The following PCDHGA11 variants were observed in gnomAD, a reference collection of about 807,000 sequenced individuals.
PCDHGA11 encodes the protein protocadherin gamma subfamily A, 11, also known as protocadherin gamma-A11.
A neutral mutation model predicts 60.4 loss-of-function variants in PCDHGA11; 39 were observed. That is an observed-to-expected ratio of 0.65 (90% CI 0.50 to 0.84). The LOEUF is 0.84. Among genes scored for constraint, PCDHGA11 ranks in the 40% least tolerant of loss-of-function variants. The probability of loss-of-function intolerance (pLI) is 0.00; values close to 1 mark genes in which losing one functional copy is unlikely to be tolerated. For missense variants in PCDHGA11, 1,165 were observed against 1,197.7 expected, an observed-to-expected ratio of 0.97 and a Z score of 0.40; for synonymous variants, 533 against 510.3, an observed-to-expected ratio of 1.04 and a Z score of -0.60.
intron 3 of PCDHGA11, among the ~76,000 whole-genome samples, chr5:141,505,981 A>G (rs1285802357): frequency 6.6e-6 from 1 of 151,898 alleles, no homozygotes; most frequent in Non-Finnish European, 1.5e-5. Context: ...CCGAGAGAAC[A>G]CCTCCTCTTT....
chr5:141,475,550 TA>T (rs2099365126), intron 1 of PCDHGA11, among the ~76,000 whole-genome samples: 2 of 152,246 alleles, frequency 1.3e-5, no homozygotes, highest in Non-Finnish European at 2.9e-5. Context: ...AGGGTCCGGC[TA>T]ATTGTCTGTC....
intron 1 of PCDHGA11, among the ~76,000 whole-genome samples, chr5:141,473,873 C>CA (rs1471085914): frequency 2.6e-5 from 4 of 152,130 alleles, no homozygotes; most frequent in African/African-American, 7.2e-5. Flanking sequence ...GTGGAGAATG[C>CA]ATACACAAGG....
At position 141,489,494 on chromosome 5, in the gene PCDHGA11, C is replaced by A. The variant is rs1191408769; in HGVS notation, c.2434-5313C>A. ...CTGAGCTTGATGAGTGGTGCCCTGGCAGTGAATCAAAAGATTGACCGAGAA... is the reference window on the plus strand; with the variant it reads ...CTGAGCTTGATGAGTGGTGCCCTGGAAGTGAATCAAAAGATTGACCGAGAA... On this transcript the variant is annotated intron_variant, in intron 1 of 3. Coordinates refer to ENST00000398587, the MANE Select transcript of PCDHGA11 (RefSeq NM_018914.3). This position sits in a 1 kb window ranked among gnomAD's most constrained non-coding sequence, Gnocchi z 4.5. 1.1e-5 allele frequency: 18 copies of A among 1,613,932 alleles called. No individual in the cohort carries two copies. The highest frequency in any genetic ancestry group is 1.7e-5 in the Admixed American group (1 of 59,998).
rs911465424 is a variant in PCDHGA11 at position 141,449,724 on chromosome 5, AT to A, written c.2433+26071del. ...AAACACATTATTTTTATATGATATG[AT>A]TTTTTTATGACATGATTATTTTTAT... On this transcript the variant is annotated intron_variant, in intron 1 of 3. Coordinates refer to ENST00000398587, the MANE Select transcript of PCDHGA11 (RefSeq NM_018914.3). 1.2e-4 allele frequency among the ~76,000 whole-genome samples: 18 copies of A among 151,282 alleles called. No homozygotes were observed. The South Asian group carries it at 1.9e-3, about 16-fold the overall frequency.
rs542039688 is a variant in PCDHGA11 at position 141,421,119 on chromosome 5, C to A, written c.-109C>A. The A allele has an allele frequency of 2.6e-6, 2 of 772,768 alleles. No individual in the cohort carries two copies. The highest frequency in any genetic ancestry group is 1.9e-5 in the South Asian group (1 of 53,026). The allele number at this position is 772,768 out of a possible 1,614,324, so 47.9% of individuals were successfully genotyped here. ...CTGGAGACTTAGAAGTATTTTCCTT[C>A]GCTTTCTGATATATTTTGGATGTAG... On this transcript the variant is annotated 5_prime_UTR_variant, in exon 1 of 4. Transcript: ENST00000398587.
rs755889809 is a variant in PCDHGA11 at position 141,421,835 on chromosome 5, G to A, written c.608G>A (p.Arg203Gln). 5.6e-6 allele frequency: 9 copies of A among 1,613,746 alleles called. No individual in the cohort carries two copies. Among genetic ancestry groups the A allele is most frequent in the Non-Finnish European group, 6.8e-6 (8 of 1,179,894 alleles). ...CTAGTACTGGAGGGAAGCCTGGACC[G>A]AGAGAAAGAGGCTGCTCACCTGCTC... ...PELVLEGSLD[R>Q]EKEAAHLLLL... is the part of the protein sequence containing the mutation. The change falls in exon 1 of 4, where the codon CGA (arginine) becomes CAA (glutamine). Residue 203 changes from arginine to glutamine, a missense_variant. Physicochemically the swap from Arg to Gln is conservative, Grantham distance 43 (BLOSUM62 1). Transcript: ENST00000398587.
chr5:141,489,962 C>A lies in PCDHGA11; in HGVS notation c.2434-4845C>A. The A allele has an allele frequency of 6.2e-7, 1 of 1,614,184 alleles. No individual in the cohort carries two copies. The highest frequency in any genetic ancestry group is 8.5e-7 in the Non-Finnish European group (1 of 1,180,008). ...CTGGACATCAATGATAATGCTCCAA[C>A]CTTCCAATCCTCAGTTCTACGTGTG... is the stretch of plus-strand genomic sequence containing the variant. On this transcript the variant is annotated intron_variant, in intron 1 of 3. Transcript: ENST00000398587. This position sits in a 1 kb window ranked among gnomAD's most constrained non-coding sequence, Gnocchi z 4.5.
chr5:141,502,694 G>A (rs1039264846), intron 2 of PCDHGA11, among the ~76,000 whole-genome samples: 5 of 152,180 alleles, frequency 3.3e-5, no homozygotes, highest in African/African-American at 1.2e-4. Flanking sequence ...ATCCTTGCCT[G>A]TATCTGTTTT....
Position 141,476,845 on chromosome 5 carries a change from C to T in PCDHGA11, c.2434-17962C>T. On this transcript the variant is annotated intron_variant, in intron 1 of 3. Transcript: ENST00000398587. The surrounding 1 kb of genome is among the most constrained non-coding windows in gnomAD (Gnocchi z 7.6). ...TGGACGCGAATGACAATGCGCCTGT[C>T]TTCAACCAGTCCTTGTACCGGGCGC... 1 of 1,613,794 alleles carries T rather than the reference C, an allele frequency of 6.2e-7. No homozygotes were observed. Among genetic ancestry groups the T allele is most frequent in the Non-Finnish European group, 8.5e-7 (1 of 1,180,054 alleles).
intron 1 of PCDHGA11, among the ~76,000 whole-genome samples, chr5:141,444,225 G>A (rs1307884592): frequency 8.0e-6 from 1 of 125,604 alleles, no homozygotes; most frequent in African/African-American, 3.1e-5. Context: ...AGGCTGGAGT[G>A]CAATGGCATG....
intron 1 of PCDHGA11, among the ~76,000 whole-genome samples, chr5:141,425,417 G>A (rs1238708306): frequency 2.0e-5 from 3 of 152,162 alleles, no homozygotes; most frequent in East Asian, 3.9e-4. Context: ...ATAACATATA[G>A]TCCCATTAAA....
At chr5:141,492,548 C>A (rs1028674110) in intron 1 of PCDHGA11, among the ~76,000 whole-genome samples, 1 of 152,218 alleles carries the variant, frequency 6.6e-6, no homozygotes, top group Non-Finnish European at 1.5e-5. Flanking sequence ...TGGGCCGGGT[C>A]GCCTGGGGGG....
chr5:141,427,905 A>G (rs754321006), intron 1 of PCDHGA11: 1 of 1,574,682 alleles, frequency 6.4e-7, no homozygotes, highest in South Asian at 1.1e-5. Context: ...GCCCGCGCTC[A>G]GCGCCAACAT....
chr5:141,491,823 C>T lies in PCDHGA11; in HGVS notation c.2434-2984C>T, dbSNP rs1242708273. On this transcript the variant is annotated intron_variant, in intron 1 of 3. Transcript: ENST00000398587. The surrounding 1 kb of genome is among the most constrained non-coding windows in gnomAD (Gnocchi z 6.9). ...GCCGGCTTGGTCGCTGGCTGCGCTC[C>T]ACCCGATTCTCGGGATCATTGGACC... The T allele has an allele frequency of 2.7e-6, 4 of 1,479,038 alleles. No homozygotes were observed. Among genetic ancestry groups the T allele is most frequent in the Non-Finnish European group, 3.6e-6 (4 of 1,115,300 alleles). 91.6% of individuals were successfully genotyped at this position (1,479,038 alleles called of 1,614,324 possible).
rs780241180 is a variant in PCDHGA11, at chr5:141,490,819, C to A, written c.2434-3988C>A. On this transcript the variant is annotated intron_variant, in intron 1 of 3. Transcript: ENST00000398587. The surrounding 1 kb of genome is among the most constrained non-coding windows in gnomAD (Gnocchi z 5.4). ...CCAGCGTACCTTTGACTATGAATTGCTGCAGATGCTGCAGATTGTGGTGGG... is the reference window on the plus strand; with the variant it reads ...CCAGCGTACCTTTGACTATGAATTGATGCAGATGCTGCAGATTGTGGTGGG... 3 of 1,613,842 alleles carry A rather than the reference C, an allele frequency of 1.9e-6. No individual in the cohort carries two copies. The highest frequency in any genetic ancestry group is 2.5e-6 in the Non-Finnish European group (3 of 1,179,804).
At chr5:141,452,554 G>A (rs2098744143) in intron 1 of PCDHGA11, among the ~76,000 whole-genome samples, 1 of 152,140 alleles carries the variant, frequency 6.6e-6, no homozygotes, top group Admixed American at 6.5e-5. Context: ...TCCAGTTCTG[G>A]TTCTTCCTAG....
chr5:141,469,802 C>T (rs2099211446), intron 1 of PCDHGA11, among the ~76,000 whole-genome samples: 1 of 152,022 alleles, frequency 6.6e-6, no homozygotes, highest in Admixed American at 6.6e-5. Flanking sequence ...ATTGCAAAAA[C>T]ATTGTAGATA....
At chr5:141,497,201 G>A (rs1190666375) in intron 2 of PCDHGA11, among the ~76,000 whole-genome samples, 1 of 93,734 alleles carries the variant, frequency 1.1e-5, no homozygotes, top group African/African-American at 8.6e-5. Flanking sequence ...AGAACAATGT[G>A]AGTGTAATGG....
In PCDHGA11 at chr5:141,503,993, C is replaced by T. The variant is rs376134059; in HGVS notation, c.2493-1400C>T. Reference sequence around the variant, plus strand: ...GTGCCAAACCCTTCTTCTTACCTTACAGTCACTTAACTGTCTCTGCTGGTC... The same window carrying T: ...GTGCCAAACCCTTCTTCTTACCTTATAGTCACTTAACTGTCTCTGCTGGTC... On this transcript the variant is annotated intron_variant, in intron 2 of 3. Transcript: ENST00000398587. Among the ~76,000 whole-genome samples, 13 of 152,312 alleles carry T rather than the reference C, an allele frequency of 8.5e-5. 1 individual carries two copies. In the East Asian group the frequency reaches 1.7e-3, roughly 20 times the overall value.
Sources: allele counts gnomAD v4.1 joint callset (sites outside exome capture counted in the v4.1 genomes callset), GRCh38; gene constraint gnomAD v4.1.1; non-coding constraint Gnocchi (gnomAD v3.1); transcripts MANE v1.5; gene names NCBI Gene and HGNC (gene_info 2026-07-23, HGNC 2026-07-21).